The following ARFGAP2 variants were observed in gnomAD, a reference collection of about 807,000 sequenced individuals.
The protein encoded by ARFGAP2 is ARF GTPase activating protein 2.
ARFGAP2 carries 45 observed loss-of-function variants against 71.9 expected under a neutral mutation model. The ratio of observed to expected loss-of-function variants is 0.63; its 90% confidence interval spans 0.49 to 0.80. ARFGAP2 has a LOEUF of 0.80. Ranked by LOEUF, ARFGAP2 falls within the 30% of genes least tolerant of loss-of-function variation. The pLI is 0.00. For synonymous variants in ARFGAP2, 248 were observed against 249.2 expected (o/e 1.00, Z 0.05); for missense variants, 633 against 673.9 (o/e 0.94, Z 0.67).
chr11:47,171,875 C>G, intron 8 of ARFGAP2, 75 bp from the exon 9 acceptor site: 1 of 1,566,302 alleles, frequency 6.4e-7, no homozygotes, highest in Admixed American at 1.9e-5. Context: ...GGCACTGTAG[C>G]CACACCCACA....
chr11:47,173,273 C>T (rs1952668738), intron 7 of ARFGAP2, 153 bp downstream of exon 7: 10 of 910,240 alleles, frequency 1.1e-5, no homozygotes, highest in African/African-American at 1.6e-5. Flanking sequence ...GTTGCATCCA[C>T]TATTTCAATC....
intron 5 of ARFGAP2, 45 bp downstream of exon 5, chr11:47,174,970 G>C (rs1402461718): frequency 1.3e-6 from 2 of 1,597,226 alleles, no homozygotes; most frequent in East Asian, 2.2e-5. Flanking sequence ...TTGGTAAATT[G>C]CCTGTCAAGA....
At chr11:47,167,746 T>A (rs1952439867) in intron 12 of ARFGAP2, among the ~76,000 whole-genome samples, 163 bp downstream of exon 12, 1 of 152,122 alleles carries the variant, frequency 6.6e-6, no homozygotes, top group Non-Finnish European at 1.5e-5. Flanking sequence ...AACCACATTT[T>A]AAGGGCTCAT....
chr11:47,171,536 G>C lies in ARFGAP2; in HGVS notation c.831C>G (p.Ala277=). The change falls in exon 10 of 16, where the codon GCC becomes GCG. Residue 277 remains alanine (A), a synonymous_variant. Transcript: ENST00000524782. The part of the protein sequence containing the change: ...EESMVASMRL[A]YQELQIDRKK... ...TACGATCAATCTGGAGCTCCTGGTA[G>C]GCCAGACGCATGGAGGCGACCCTTA... 6.2e-7 allele frequency: 1 copy of C among 1,614,170 alleles called. No homozygotes were observed. Among genetic ancestry groups the C allele is most frequent in the Non-Finnish European group, 8.5e-7 (1 of 1,180,036 alleles).
At chr11:47,166,952 G>A in intron 12 of ARFGAP2, 66 bp from the exon 13 acceptor site, 12 of 1,557,992 alleles carry the variant, frequency 7.7e-6, no homozygotes, top group East Asian at 2.3e-5. Context: ...GAGTACAGAG[G>A]CCAAACAGAG....
At chr11:47,173,964 G>C (rs565809803) in intron 5 of ARFGAP2, 124 bp from the exon 6 acceptor site, 4 of 1,511,866 alleles carry the variant, frequency 2.6e-6, no homozygotes, top group Non-Finnish European at 8.9e-7. Context: ...AGGGACTGGA[G>C]GGTAGCAAAC....
intron 15 of ARFGAP2, among the ~76,000 whole-genome samples, chr11:47,165,776 C>T (rs2099871105): frequency 6.6e-6 from 1 of 152,180 alleles, no homozygotes; most frequent in Non-Finnish European, 1.5e-5. Flanking sequence ...ATGGCAGACA[C>T]AGAGGCATCT....
At chr11:47,167,241 C>T (rs1177697186) in intron 12 of ARFGAP2, among the ~76,000 whole-genome samples, 2 of 152,180 alleles carry the variant, frequency 1.3e-5, no homozygotes, top group South Asian at 2.1e-4. Flanking sequence ...GCATATGTGT[C>T]GGTCTGCCTG....
intron 2 of ARFGAP2, 80 bp from the exon 3 acceptor site, chr11:47,176,003 C>T (rs1318959986): frequency 1.0e-5 from 15 of 1,476,330 alleles, no homozygotes; most frequent in Non-Finnish European, 1.4e-5. Context: ...GTCACTTGGC[C>T]TCAGGCTGCT....
In ARFGAP2 at chr11:47,166,325, G is replaced by C; in HGVS notation, c.1488C>G (p.Val496=). ...TADIAQFKQG[V]KSVAGKMAVL... ...CAGCCATTTTCCCAGCCACAGACTTGACACCCTGCTTAAACTGGGCAATGT... is the reference window on the plus strand; with the variant it reads ...CAGCCATTTTCCCAGCCACAGACTTCACACCCTGCTTAAACTGGGCAATGT... Residue 496 remains valine (V), a synonymous_variant, in exon 15 of 16, where the codon GTC becomes GTG. Transcript: ENST00000524782. 1 of 1,614,206 alleles carries C rather than the reference G, an allele frequency of 6.2e-7. No homozygotes were observed. The highest frequency in any genetic ancestry group is 8.5e-7 in the Non-Finnish European group (1 of 1,180,044).
rs960722149 is a variant in ARFGAP2 at position 47,164,492 on chromosome 11, G to A, written c.*990C>T. On this transcript the variant is annotated 3_prime_UTR_variant, in exon 16 of 16. Coordinates refer to ENST00000524782, the MANE Select transcript of ARFGAP2 (RefSeq NM_032389.6). The stretch of plus-strand genomic sequence containing the variant: ...CTGGGCTGAGACTGCCGGTGCGGCA[G>A]GGGAAGATGGCACCAAGAATGACAG... 2.0e-5 allele frequency: 7 copies of A among 346,234 alleles called. No homozygotes were observed. The East Asian group carries it at 2.9e-4, about 14-fold the overall frequency. 21.4% of individuals were successfully genotyped at this position (346,234 alleles called of 1,614,324 possible).
chr11:47,175,998 T>G, intron 2 of ARFGAP2, 75 bp from the exon 3 acceptor site: 1 of 1,524,358 alleles, frequency 6.6e-7, no homozygotes, highest in Non-Finnish European at 9.0e-7. Flanking sequence ...TACCTGTCAC[T>G]TGGCCTCAGG....
Position 47,174,715 on chromosome 11 carries a change from G to A in ARFGAP2, c.480+300C>T, listed in dbSNP as rs1952732767. On this transcript the variant is annotated intron_variant, in intron 5 of 15. Transcript: ENST00000524782. ...CGGCCCACAGTGCCTTTCTTATAGG[G>A]GAAGAATCCAGGAAAATTTGTTTGG... 13 of 334,520 alleles carry A rather than the reference G, an allele frequency of 3.9e-5. No individual in the cohort carries two copies. The South Asian group carries it at 3.9e-4, about 10-fold the overall frequency. 20.7% of individuals were successfully genotyped at this position (334,520 alleles called of 1,614,324 possible). A position where few individuals can be genotyped will look rare whatever the true frequency, so the allele number is the denominator to read the frequency against.
chr11:47,167,911 T>C lies in ARFGAP2; in HGVS notation c.1203A>G (p.Glu401=), dbSNP rs756610154. ...VTISSIRPIS[E]RATNRREVES... ...AAAGAAAAAACAGCCCACTCTACCT[T>C]TCTGAAATAGGCCGGATGCTTGAGA... Residue 401 remains glutamate, a splice_region_variant and synonymous_variant, in exon 12 of 16, where the codon GAA becomes GAG. Transcript: ENST00000524782. 2.3e-5 allele frequency: 37 copies of C among 1,605,768 alleles called. No individual in the cohort carries two copies. The South Asian group carries it at 3.8e-4, about 16-fold the overall frequency.
intron 12 of ARFGAP2, 44 bp downstream of exon 12, chr11:47,167,865 T>TAA (rs34204386): frequency 8.7e-4 from 1,156 of 1,333,214 alleles, no homozygotes; most frequent in East Asian, 2.2e-3. Flanking sequence ...TCAGCTTGTT[T>TAA]AAAAAAAAAA....
At position 47,166,224 on chromosome 11, in the gene ARFGAP2, G is replaced by A. The variant is rs187749089; in HGVS notation, c.1545+44C>T. On this transcript the variant is annotated intron_variant, in intron 15 of 15. Coordinates refer to ENST00000524782, the MANE Select transcript of ARFGAP2 (RefSeq NM_032389.6). ...CAGTGTCTCTATGTGGTGGCGAAGG[G>A]CAAACCTCCCAGCACTCCTCATTAG... is the stretch of plus-strand genomic sequence containing the variant. 1,444 of 1,598,106 alleles carry A rather than the reference G, an allele frequency of 9.0e-4. 1 individual carries two copies. The highest frequency in any genetic ancestry group is 1.2e-3 in the Non-Finnish European group (1,382 of 1,166,330).
At chr11:47,172,871 G>A (rs1952657367) in intron 7 of ARFGAP2, 2 of 954,114 alleles carry the variant, frequency 2.1e-6, no homozygotes, top group South Asian at 1.4e-5. Context: ...GCCTTCTCAT[G>A]GATCAGTCTG....
intron 13 of ARFGAP2, 62 bp from the exon 14 acceptor site, chr11:47,166,661 G>A (rs1952392571): frequency 1.7e-5 from 28 of 1,602,194 alleles, no homozygotes; most frequent in Non-Finnish European, 2.4e-5. Flanking sequence ...GACTCACACA[G>A]GCCAGGCCCT....
At position 47,176,875 on chromosome 11, in the gene ARFGAP2, A is replaced by G; in HGVS notation, c.-22T>C. 1.2e-6 allele frequency: 2 copies of G among 1,606,534 alleles called. No individual in the cohort carries two copies. Among genetic ancestry groups the G allele is most frequent in the Non-Finnish European group, 8.5e-7 (1 of 1,176,708 alleles). Reference sequence around the variant, plus strand: ...CCATTTTCTCTCCTTCCCAGACACAACCGCGGCTGACGGGTCCCGCCGCGG... The same window carrying G: ...CCATTTTCTCTCCTTCCCAGACACAGCCGCGGCTGACGGGTCCCGCCGCGG... On this transcript the variant is annotated 5_prime_UTR_variant, in exon 1 of 16. Coordinates refer to ENST00000524782, the MANE Select transcript of ARFGAP2 (RefSeq NM_032389.6).
Sources: allele counts gnomAD v4.1 joint callset (sites outside exome capture counted in the v4.1 genomes callset), GRCh38; gene constraint gnomAD v4.1.1; transcripts MANE v1.5; gene names NCBI Gene and HGNC (gene_info 2026-07-23, HGNC 2026-07-21).